The following ZNF385B variants were observed in gnomAD, a reference collection of about 807,000 sequenced individuals.
The protein encoded by ZNF385B is zinc finger protein 533.
In ZNF385B, 23 loss-of-function variants were observed where a neutral mutation model predicts 39.2. The observed-to-expected ratio is 0.59, with a 90% CI of 0.42 to 0.83. ZNF385B has a LOEUF of 0.83. ZNF385B is among the 40% of genes least tolerant of loss of function. ZNF385B has a pLI of 0.00. For missense variants in ZNF385B, 552 were observed against 598.9 expected, an observed-to-expected ratio of 0.92 and a Z score of 0.82; for synonymous variants, 205 against 222.6, an observed-to-expected ratio of 0.92 and a Z score of 0.70.
At chr2:179,659,251 C>T (rs9789557) in intron 3 of ZNF385B, among the ~76,000 whole-genome samples, 1 of 152,058 alleles carries the variant, frequency 6.6e-6, no homozygotes, top group Non-Finnish European at 1.5e-5. Context: ...TTCCTCAACT[C>T]AATGTGTACT....
chr2:179,753,984 T>C (rs527980147), intron 3 of ZNF385B, among the ~76,000 whole-genome samples: 3 of 152,274 alleles, frequency 2.0e-5, no homozygotes, highest in South Asian at 2.1e-4. Context: ...ATAGGAGTGG[T>C]GAGAGAGGGC....
At chr2:179,512,482 G>A (rs2057755173) in intron 5 of ZNF385B, among the ~76,000 whole-genome samples, 1 of 152,134 alleles carries the variant, frequency 6.6e-6, no homozygotes, top group South Asian at 2.1e-4. Context: ...TGAGATAAAT[G>A]TTAGTCTCAA....
chr2:179,536,495 G>C (rs2059575978), intron 4 of ZNF385B: 1 of 152,172 alleles, frequency 6.6e-6, no homozygotes, highest in Non-Finnish European at 1.5e-5. Flanking sequence ...GACACAGCAT[G>C]GTGGGTCTAC....
chr2:179,598,479 G>T (rs1040785411), intron 3 of ZNF385B, among the ~76,000 whole-genome samples: 8 of 152,046 alleles, frequency 5.3e-5, no homozygotes, highest in African/African-American at 1.7e-4. Flanking sequence ...AGTCTTAAGT[G>T]TTCAAAGCAT....
At chr2:179,698,878 T>G (rs1249036274) in intron 3 of ZNF385B, among the ~76,000 whole-genome samples, 1 of 152,154 alleles carries the variant, frequency 6.6e-6, no homozygotes, top group African/African-American at 2.4e-5. Context: ...AAGAATAAAA[T>G]CAAAAGATCA....
At chr2:179,797,768 TTTGTCACC>T (rs1559203838) in intron 1 of ZNF385B, among the ~76,000 whole-genome samples, 1 of 152,160 alleles carries the variant, frequency 6.6e-6, no homozygotes, top group Non-Finnish European at 1.5e-5. Context: ...AGATCTAATC[TTTGTCACC>T]AATAAGTTAT....
chr2:179,683,982 A>T (rs977318298), intron 3 of ZNF385B, among the ~76,000 whole-genome samples: 2 of 151,770 alleles, frequency 1.3e-5, no homozygotes, highest in African/African-American at 2.4e-5. Context: ...TCTCATATTA[A>T]TTTTTTTTAC....
At chr2:179,545,108 G>C in intron 3 of ZNF385B, 139 bp from the exon 4 acceptor site, 2 of 967,732 alleles carry the variant, frequency 2.1e-6, no homozygotes, top group Non-Finnish European at 3.2e-6. Flanking sequence ...AATGGCACAG[G>C]AGTAGTAAAC....
At chr2:179,523,024 A>T (rs2058620370) in intron 4 of ZNF385B, 1 of 277,938 alleles carries the variant, frequency 3.6e-6, no homozygotes, top group Non-Finnish European at 7.7e-6. Flanking sequence ...CTTTGAGTAA[A>T]AAGCCTGAAA....
rs112917903 is a variant in ZNF385B, at chr2:179,538,030, C to T, written c.441+6797G>A. Among the ~76,000 whole-genome samples, 1,194 of 152,064 alleles carry T rather than the reference C, an allele frequency of 7.9e-3. 12 individuals carry two copies. Among genetic ancestry groups the T allele is most frequent in the African/African-American group, 0.016 (651 of 41,496 alleles). On this transcript the variant is annotated intron_variant, in intron 4 of 9. Coordinates refer to ENST00000410066, the MANE Select transcript of ZNF385B (RefSeq NM_152520.6). ...TAGTTCTATGCACTCCTTTAGAAAACATAGAACAAGATAATCCTTCAATAT... is the reference window on the plus strand; with the variant it reads ...TAGTTCTATGCACTCCTTTAGAAAATATAGAACAAGATAATCCTTCAATAT...
At chr2:179,518,490 T>C (rs1363727813) in intron 5 of ZNF385B, 38 bp downstream of exon 5, 1 of 1,443,702 alleles carries the variant, frequency 6.9e-7, no homozygotes, top group Admixed American at 2.0e-5. Flanking sequence ...CTTTTAGCTC[T>C]GACAAACTAC....
intron 3 of ZNF385B, among the ~76,000 whole-genome samples, chr2:179,612,055 GA>G (rs2106135433): frequency 6.6e-6 from 1 of 152,070 alleles, no homozygotes; most frequent in African/African-American, 2.4e-5. Flanking sequence ...TTTAATTCCA[GA>G]ATTTCTGATT....
intron 3 of ZNF385B, among the ~76,000 whole-genome samples, chr2:179,560,646 T>C (rs568735636): frequency 9.9e-5 from 15 of 152,168 alleles, no homozygotes; most frequent in Non-Finnish European, 1.8e-4. Context: ...TCATCTCTCC[T>C]GTTTCTCTCC....
At chr2:179,670,291 CAAAA>C (rs35600247) in intron 3 of ZNF385B, among the ~76,000 whole-genome samples, 2 of 100,602 alleles carry the variant, frequency 2.0e-5, no homozygotes. Context: ...GACTCCGTCT[CAAAA>C]AAAAAAAAAA....
At position 179,483,437 on chromosome 2, in the gene ZNF385B, AC is replaced by A. The variant is rs2054222378; in HGVS notation, c.553-4del. The A allele has an allele frequency of 1.2e-6, 2 of 1,613,736 alleles. No individual in the cohort carries two copies. Among genetic ancestry groups the A allele is most frequent in the African/African-American group, 2.7e-5 (2 of 75,022 alleles). On this transcript the variant is annotated splice_region_variant and splice_polypyrimidine_tract_variant and intron_variant, in intron 5 of 9. Transcript: ENST00000410066. The stretch of plus-strand genomic sequence containing the variant: ...TTGTAGTGGGCCTCGGCCTGGCTCT[AC>A]AAAGGAGAACAAATCAGGCTCATTT...
At chr2:179,472,945 A>G (rs571443366) in intron 6 of ZNF385B, among the ~76,000 whole-genome samples, 2 of 152,320 alleles carry the variant, frequency 1.3e-5, no homozygotes, top group South Asian at 4.1e-4. Flanking sequence ...TAATGAAAAC[A>G]AAGAAAAAGA....
chr2:179,847,495 T>C (rs1007578322), intron 1 of ZNF385B, among the ~76,000 whole-genome samples: 1 of 152,202 alleles, frequency 6.6e-6, no homozygotes, highest in Non-Finnish European at 1.5e-5. Context: ...CTCACCACAA[T>C]AATTAAGAGT....
At chr2:179,576,769 G>A (rs1685869407) in intron 3 of ZNF385B, among the ~76,000 whole-genome samples, 2 of 152,146 alleles carry the variant, frequency 1.3e-5, no homozygotes, top group African/African-American at 4.8e-5. Flanking sequence ...ATGTAATTCA[G>A]GGAAGAGACC....
intron 4 of ZNF385B, chr2:179,523,008 G>A (rs2058619150): frequency 1.0e-5 from 3 of 294,500 alleles, no homozygotes; most frequent in South Asian, 9.3e-5. Context: ...CATTTTCCTT[G>A]CTTTTCTTTG....
Sources: allele counts gnomAD v4.1 joint callset (sites outside exome capture counted in the v4.1 genomes callset), GRCh38; gene constraint gnomAD v4.1.1; transcripts MANE v1.5; gene names NCBI Gene and HGNC (gene_info 2026-07-23, HGNC 2026-07-21).